The following THEMIS variants were observed in gnomAD, a reference collection of about 807,000 sequenced individuals.
THEMIS encodes protein THEMIS.
A neutral mutation model predicts 52.6 loss-of-function variants in THEMIS; 37 were observed. That is an observed-to-expected ratio of 0.70 (90% CI 0.54 to 0.93). THEMIS has a LOEUF of 0.93. Among genes scored for constraint, THEMIS ranks in the 40% least tolerant of loss-of-function variants. The probability of loss-of-function intolerance (pLI) is 0.00; values close to 1 mark genes in which losing one functional copy is unlikely to be tolerated. For synonymous variants in THEMIS, 292 were observed against 272.7 expected, an observed-to-expected ratio of 1.07 and a Z score of -0.70; for missense variants, 808 against 763.1, an observed-to-expected ratio of 1.06 and a Z score of -0.69.
intron 5 of THEMIS, among the ~76,000 whole-genome samples, chr6:127,719,013 T>C (rs1774269942): frequency 6.6e-6 from 1 of 151,874 alleles, no homozygotes; most frequent in Non-Finnish European, 1.5e-5. Context: ...TTAAGAATAA[T>C]TACAGTTTCA....
chr6:127,735,566 T>C (rs928929350), intron 4 of THEMIS, among the ~76,000 whole-genome samples: 2 of 152,194 alleles, frequency 1.3e-5, no homozygotes, highest in Non-Finnish European at 2.9e-5. Flanking sequence ...GTTTTCAAAG[T>C]CAACATTGTG....
chr6:127,764,101 G>A lies in THEMIS; in HGVS notation c.1759-44278C>T, dbSNP rs189335107. Among the ~76,000 whole-genome samples the A allele has an allele frequency of 3.7e-3, 560 of 152,012 alleles. 2 individuals carry two copies. The highest frequency in any genetic ancestry group is 6.8e-3 in the Middle Eastern group (2 of 294). ...CACAGGAAAGTGTGCAAGATATTTC[G>A]TATCAGAAAATTGGTAATAGAAGGC... On this transcript the variant is annotated intron_variant, in intron 4 of 5. Transcript: ENST00000368248.
At chr6:127,710,942 C>T (rs892723276) in intron 5 of THEMIS, among the ~76,000 whole-genome samples, 8 of 148,300 alleles carry the variant, frequency 5.4e-5, no homozygotes, top group African/African-American at 7.5e-5. Context: ...TCCCTCCCTC[C>T]TTCCCTCCCT....
At chr6:127,819,966 T>C (rs1049638684) in intron 3 of THEMIS, among the ~76,000 whole-genome samples, 1 of 152,162 alleles carries the variant, frequency 6.6e-6, no homozygotes, top group Non-Finnish European at 1.5e-5. Flanking sequence ...TTTGGATGAT[T>C]ATAGCACACA....
At chr6:127,859,707 T>C (rs1779733185) in intron 1 of THEMIS, among the ~76,000 whole-genome samples, 1 of 152,120 alleles carries the variant, frequency 6.6e-6, no homozygotes, top group Non-Finnish European at 1.5e-5. Context: ...TGTTGTGAAT[T>C]CTCTAGACAA....
chr6:127,915,525 G>T (rs1004885881), intron 1 of THEMIS, among the ~76,000 whole-genome samples: 5 of 151,646 alleles, frequency 3.3e-5, no homozygotes, highest in Admixed American at 3.3e-4. Flanking sequence ...AAGATGATGG[G>T]CTCTGTACTC....
At chr6:127,784,386 A>G (rs1278015205) in intron 4 of THEMIS, among the ~76,000 whole-genome samples, 3 of 150,622 alleles carry the variant, frequency 2.0e-5, no homozygotes, top group Admixed American at 1.3e-4. Flanking sequence ...AAGTATATGT[A>G]AAAAAAAAAT....
chr6:127,901,060 G>A (rs1368575027), upstream of THEMIS: 4 of 750,444 alleles, frequency 5.3e-6, no homozygotes, highest in Non-Finnish European at 9.4e-6. Context: ...TCACACTACA[G>A]CCAGAGTGGG....
intron 4 of THEMIS, among the ~76,000 whole-genome samples, chr6:127,728,612 C>T (rs1284965400): frequency 6.6e-6 from 1 of 152,132 alleles, no homozygotes; most frequent in African/African-American, 2.4e-5. Flanking sequence ...AGCAAGTATG[C>T]AATGAGCAAC....
intron 2 of THEMIS, among the ~76,000 whole-genome samples, chr6:127,841,363 T>C (rs1779042004): frequency 6.6e-6 from 1 of 152,066 alleles, no homozygotes; most frequent in Non-Finnish European, 1.5e-5. Context: ...CTAGTTCCTC[T>C]CATGAGAATC....
Position 127,900,880 on chromosome 6 carries a change from G to A in THEMIS, c.53C>T (p.Pro18Leu). The stretch of plus-strand genomic sequence containing the variant: ...GCCTGCCTGGATTTCTAGAACCCTG[G>A]GTAGGGTCCTGAGGTCAAGGGAGTG... Reference protein sequence around the residue: ...FVHSLDLRTLPRVLEIQAGIY... With the variant: ...FVHSLDLRTLLRVLEIQAGIY... Residue 18 changes from proline to leucine, a missense_variant, in exon 1 of 6, where the codon CCC (proline) becomes CTC (leucine). Transcript: ENST00000368248. 1 of 1,613,152 alleles carries A rather than the reference G, an allele frequency of 6.2e-7. No homozygotes were observed. Among genetic ancestry groups the A allele is most frequent in the East Asian group, 2.2e-5 (1 of 44,848 alleles).
At chr6:127,915,149 A>G (rs1401775482) in intron 1 of THEMIS, among the ~76,000 whole-genome samples, 2 of 152,086 alleles carry the variant, frequency 1.3e-5, no homozygotes, top group African/African-American at 4.8e-5. Flanking sequence ...TGAAGCTTTT[A>G]CTGGGGTGTG....
chr6:127,778,648 CT>C (rs1180332237), intron 4 of THEMIS, among the ~76,000 whole-genome samples: 1 of 152,048 alleles, frequency 6.6e-6, no homozygotes, highest in Non-Finnish European at 1.5e-5. Context: ...GTGATCTGAT[CT>C]TTTTTGTCAT....
At chr6:127,789,678 CCAT>C (rs1430467778) in intron 4 of THEMIS, among the ~76,000 whole-genome samples, 1 of 152,154 alleles carries the variant, frequency 6.6e-6, no homozygotes, top group African/African-American at 2.4e-5. Context: ...TTATCCACCA[CCAT>C]CAAGTCGGCT....
rs115986964 is a variant in THEMIS, at chr6:127,721,033, A to G, written c.1759-1210T>C. On this transcript the variant is annotated intron_variant, in intron 4 of 5. Coordinates refer to ENST00000368248, the MANE Select transcript of THEMIS (RefSeq NM_001010923.3). ...TCTTCTGGCCCAATAGGATATTGAC[A>G]CAGAGGCTTGAAAGAGGCTTGCACA... Among the ~76,000 whole-genome samples, 915 of 152,076 alleles carry G rather than the reference A, an allele frequency of 6.0e-3. 9 individuals are homozygous for G. Among genetic ancestry groups the G allele is most frequent in the African/African-American group, 0.02 (849 of 41,526 alleles).
At chr6:127,803,901 A>G (rs1777617023) in intron 4 of THEMIS, among the ~76,000 whole-genome samples, 1 of 152,190 alleles carries the variant, frequency 6.6e-6, no homozygotes, top group Non-Finnish European at 1.5e-5. Flanking sequence ...ACATAGTGAT[A>G]CAGCTAGCAT....
At chr6:127,783,829 G>A (rs1027502994) in intron 4 of THEMIS, among the ~76,000 whole-genome samples, 4 of 152,180 alleles carry the variant, frequency 2.6e-5, no homozygotes, top group South Asian at 4.1e-4. Context: ...ACAGTGTGGC[G>A]ATTCCTCAAG....
At chr6:127,807,790 G>C (rs891555811) in intron 4 of THEMIS, among the ~76,000 whole-genome samples, 5 of 152,072 alleles carry the variant, frequency 3.3e-5, no homozygotes, top group Non-Finnish European at 7.4e-5. Flanking sequence ...CAAACAAGTG[G>C]GTATAATACT....
At chr6:127,738,628 C>T (rs769785636) in intron 4 of THEMIS, among the ~76,000 whole-genome samples, 2 of 152,132 alleles carry the variant, frequency 1.3e-5, no homozygotes, top group Non-Finnish European at 2.9e-5. Flanking sequence ...TTTGTAATTC[C>T]CTGAGTAAGC....
Sources: gnomAD v4.1 joint callset for allele counts (sites outside exome capture counted in the v4.1 genomes callset) on GRCh38, gnomAD v4.1.1 for gene constraint, MANE v1.5 for transcripts, NCBI Gene and HGNC (gene_info 2026-07-23, HGNC 2026-07-21) for gene names.